The following HOPX variants were observed in gnomAD, a reference collection of about 807,000 sequenced individuals.
The protein encoded by HOPX is homeodomain-only protein.
In HOPX, 5 loss-of-function variants were observed where a neutral mutation model predicts 11.8. That is an observed-to-expected ratio of 0.43 (90% CI 0.22 to 0.89). The LOEUF (loss-of-function observed/expected upper bound fraction) is 0.89, where lower values mean the gene tolerates loss of function less well. Among genes scored for constraint, HOPX ranks in the 40% least tolerant of loss-of-function variants. HOPX has a pLI of 0.28. For missense variants in HOPX, 119 were observed against 120.0 expected, an observed-to-expected ratio of 0.99 and a Z score of 0.04; for synonymous variants, 49 against 49.7, an observed-to-expected ratio of 0.99 and a Z score of 0.06.
intron 3 of HOPX, chr4:56,650,145 T>C (rs1717023114): frequency 6.4e-6 from 1 of 155,350 alleles, no homozygotes; most frequent in African/African-American, 2.4e-5. Context: ...GAGTAACTAA[T>C]TGGCTATGAG....
intron 3 of HOPX, among the ~76,000 whole-genome samples, chr4:56,655,261 G>T (rs946226521): frequency 1.3e-5 from 2 of 152,312 alleles, no homozygotes; most frequent in Admixed American, 6.5e-5. Flanking sequence ...TTCGTGCAGC[G>T]TGAGTTCTGC....
chr4:56,649,209 C>T (rs759204863), intron 3 of HOPX: 1 of 157,598 alleles, frequency 6.3e-6, no homozygotes, highest in African/African-American at 2.4e-5. Flanking sequence ...ATCTATATTC[C>T]CTTCTAGAAT....
rs972759989 is a variant in HOPX at position 56,656,164 on chromosome 4, G to A, written c.43-152C>T. On this transcript the variant is annotated intron_variant, in intron 2 of 3. Coordinates refer to ENST00000420433, the MANE Select transcript of HOPX (RefSeq NM_032495.6). ...CCGCGCAAGTCCCCGGTGGCTGCAC[G>A]CTGAGCGGGGGCTTACGGCTGCCCC... 6.2e-6 allele frequency: 7 copies of A among 1,129,034 alleles called. No homozygotes were observed. The Admixed American group carries it at 1.8e-4, about 28-fold the overall frequency. The allele number at this position is 1,129,034 out of a possible 1,614,324, so 69.9% of individuals were successfully genotyped here. A position where few individuals can be genotyped will look rare whatever the true frequency, so the allele number is the denominator to read the frequency against.
chr4:56,650,835 T>C lies in HOPX; in HGVS notation c.199-2038A>G, dbSNP rs1207523540. 5.3e-6 allele frequency: 8 copies of C among 1,523,738 alleles called. No homozygotes were observed. The East Asian group carries it at 1.5e-4, about 28-fold the overall frequency. 94.4% of individuals were successfully genotyped at this position (1,523,738 alleles called of 1,614,324 possible). On this transcript the variant is annotated intron_variant, in intron 3 of 3. Coordinates refer to ENST00000420433, the MANE Select transcript of HOPX (RefSeq NM_032495.6). ...ACCCTTCATGAGAAGAGAGAACTCA[T>C]GTAACTTTGGCAGCTTCAATCGAAA... is the stretch of plus-strand genomic sequence containing the variant.
At chr4:56,654,383 T>C (rs1256379020) in intron 3 of HOPX, among the ~76,000 whole-genome samples, 1 of 152,220 alleles carries the variant, frequency 6.6e-6, no homozygotes, top group Non-Finnish European at 1.5e-5. Flanking sequence ...GGACCTCTTG[T>C]TGGTGCTGTG....
intron 3 of HOPX, among the ~76,000 whole-genome samples, chr4:56,653,262 GC>G (rs893303505): frequency 6.6e-6 from 1 of 151,894 alleles, no homozygotes; most frequent in Non-Finnish European, 1.5e-5. Context: ...TTGCCATGTT[GC>G]CCAGGCTGGT....
intron 2 of HOPX, chr4:56,656,251 C>T: frequency 8.6e-6 from 10 of 1,167,324 alleles, no homozygotes; most frequent in Non-Finnish European, 1.1e-5. Flanking sequence ...GCCTAGCGTC[C>T]TGCGCCTCCC....
At chr4:56,666,673 A>T (rs1178506114) in intron 1 of HOPX, among the ~76,000 whole-genome samples, 1 of 152,244 alleles carries the variant, frequency 6.6e-6, no homozygotes, top group Admixed American at 6.5e-5. Context: ...TGGAGTATTT[A>T]GTCTACTTTC....
At chr4:56,655,673 G>C (rs1309795831) in intron 3 of HOPX, among the ~76,000 whole-genome samples, 184 bp downstream of exon 3, 2 of 152,216 alleles carry the variant, frequency 1.3e-5, no homozygotes, top group Non-Finnish European at 2.9e-5. Flanking sequence ...CCATGGGAGC[G>C]GGGAAGCGGG....
chr4:56,657,473 C>T (rs1717828623), intron 2 of HOPX, among the ~76,000 whole-genome samples: 1 of 152,226 alleles, frequency 6.6e-6, no homozygotes, highest in Non-Finnish European at 1.5e-5. Flanking sequence ...TGACCTGCAT[C>T]TTCTACTTCC....
At chr4:56,665,474 G>A (rs1175647036) in intron 1 of HOPX, 1 of 152,148 alleles carries the variant, frequency 6.6e-6, no homozygotes, top group African/African-American at 2.4e-5. Context: ...GGAAAAAACT[G>A]CTCTGTGTTC....
At chr4:56,673,391 A>G (rs1426547320) in intron 1 of HOPX, among the ~76,000 whole-genome samples, 1 of 152,212 alleles carries the variant, frequency 6.6e-6, no homozygotes, top group Non-Finnish European at 1.5e-5. Flanking sequence ...ATACGCCTAA[A>G]GACAAACAAA....
rs1716861418 is a variant in HOPX at position 56,648,555 on chromosome 4, T to G, written c.*165A>C. The stretch of plus-strand genomic sequence containing the variant: ...AGCTTCCTATTGTTATTTTCTTTTC[T>G]AATTATGTACATTTAGAAAAAAAAT... On this transcript the variant is annotated 3_prime_UTR_variant, in exon 4 of 4. Coordinates refer to ENST00000420433, the MANE Select transcript of HOPX (RefSeq NM_032495.6). The G allele has an allele frequency of 1.9e-5, 9 of 467,902 alleles. No homozygotes were observed. The Admixed American group carries it at 2.5e-4, about 13-fold the overall frequency. 29.0% of individuals were successfully genotyped at this position (467,902 alleles called of 1,614,324 possible).
At chr4:56,649,935 A>T (rs749245868) in intron 3 of HOPX, 2 of 152,260 alleles carry the variant, frequency 1.3e-5, no homozygotes, top group Non-Finnish European at 2.9e-5. Flanking sequence ...ATTGACCTAC[A>T]TTGGAGAGGA....
chr4:56,650,760 TG>T (rs1469602360), intron 3 of HOPX: 1 of 1,551,104 alleles, frequency 6.4e-7, no homozygotes, highest in Admixed American at 2.0e-5. Flanking sequence ...GCCTTCTCTT[TG>T]GGGGCTACTT....
intron 3 of HOPX, chr4:56,650,517 A>C: frequency 1.6e-6 from 1 of 639,774 alleles, no homozygotes; most frequent in African/African-American, 1.8e-5. Context: ...GGCCTAGAGG[A>C]GAGGCTGTTG....
chr4:56,680,896 T>A (rs1214159213), intron 1 of HOPX: 1 of 269,588 alleles, frequency 3.7e-6, no homozygotes, highest in Non-Finnish European at 5.7e-6. Context: ...AGAATAACAA[T>A]AATCTGCTTC....
intron 1 of HOPX, among the ~76,000 whole-genome samples, chr4:56,666,073 G>T (rs73240573): frequency 0.097 from 14,688 of 152,146 alleles, 913 homozygotes; most frequent in East Asian, 0.18. Flanking sequence ...TCCCTGTGGC[G>T]TATTTCTCAG....
chr4:56,656,098 G>GCAGCCC (rs1351932562), intron 2 of HOPX, 86 bp from the exon 3 acceptor site: 1 of 1,348,008 alleles, frequency 7.4e-7, no homozygotes, highest in Non-Finnish European at 9.5e-7. Flanking sequence ...GCGCCGCCGG[G>GCAGCCC]CAGCCCCAGC....
Sources: gnomAD v4.1 joint callset for allele counts (sites outside exome capture counted in the v4.1 genomes callset) on GRCh38, gnomAD v4.1.1 for gene constraint, MANE v1.5 for transcripts, NCBI Gene and HGNC (gene_info 2026-07-23, HGNC 2026-07-21) for gene names.